Variants in SLC1A2 observed in about 807,000 individuals in gnomAD.
SLC1A2 encodes excitatory amino acid transporter 2.
In SLC1A2, 15 loss-of-function variants were observed where a neutral mutation model predicts 48.8. That is an observed-to-expected ratio of 0.31 (90% confidence interval 0.21 to 0.47). The LOEUF is 0.47. Ranked by LOEUF, SLC1A2 falls within the 20% of genes least tolerant of loss-of-function variation. SLC1A2 has a pLI of 0.99. For synonymous variants in SLC1A2, 279 were observed against 272.6 expected, an observed-to-expected ratio of 1.02 and a Z score of -0.23; for missense variants, 502 against 730.5, an observed-to-expected ratio of 0.69 and a Z score of 3.61.
intron 1 of SLC1A2, among the ~76,000 whole-genome samples, chr11:35,413,053 C>A (rs1855513299): frequency 6.6e-6 from 1 of 152,138 alleles, no homozygotes; most frequent in African/African-American, 2.4e-5. Flanking sequence ...TTCTTCAAAT[C>A]CAAAACCACT....
intron 1 of SLC1A2, among the ~76,000 whole-genome samples, chr11:35,383,387 A>G (rs4756226): frequency 0.12 from 18,052 of 152,198 alleles, 1,229 homozygotes; most frequent in Middle Eastern, 0.21. Flanking sequence ...AAATAAGCCT[A>G]AGAAAATGCT....
At chr11:35,306,017 G>T (rs986506947) in intron 5 of SLC1A2, 57 bp downstream of exon 5, 16 of 1,528,890 alleles carry the variant, frequency 1.0e-5, no homozygotes, top group Non-Finnish European at 1.4e-5. Context: ...AAAAGGGAGT[G>T]CAGGATAGCC....
intron 1 of SLC1A2, among the ~76,000 whole-genome samples, chr11:35,362,509 G>A (rs1377053622): frequency 6.6e-6 from 1 of 152,146 alleles, no homozygotes; most frequent in African/African-American, 2.4e-5. Flanking sequence ...TCTAACATCT[G>A]TGAACCTCAA....
chr11:35,338,812 A>T (rs1178022815), intron 1 of SLC1A2, among the ~76,000 whole-genome samples: 1 of 152,236 alleles, frequency 6.6e-6, no homozygotes, highest in Non-Finnish European at 1.5e-5. Flanking sequence ...AAAACAAAAC[A>T]GTCCTTTGAA....
intron 1 of SLC1A2, among the ~76,000 whole-genome samples, chr11:35,355,744 G>T (rs1853432577): frequency 6.6e-6 from 1 of 152,150 alleles, no homozygotes; most frequent in Non-Finnish European, 1.5e-5. Flanking sequence ...AATTAGCTGG[G>T]CATAGTGGCA....
chr11:35,288,011 GT>G (rs1850880928), intron 7 of SLC1A2, among the ~76,000 whole-genome samples: 1 of 152,156 alleles, frequency 6.6e-6, no homozygotes, highest in Non-Finnish European at 1.5e-5. Context: ...TTTTGTCAAA[GT>G]TTCCTCCTTC....
At chr11:35,326,382 T>A (rs3847615) in intron 1 of SLC1A2, among the ~76,000 whole-genome samples, 43 of 152,144 alleles carry the variant, frequency 2.8e-4, no homozygotes, top group African/African-American at 9.2e-4. Flanking sequence ...GGCCTGGGAG[T>A]TTCTTCTAGC....
chr11:35,398,204 C>T (rs1855029171), intron 1 of SLC1A2, among the ~76,000 whole-genome samples: 1 of 152,110 alleles, frequency 6.6e-6, no homozygotes, highest in South Asian at 2.1e-4. Flanking sequence ...CATGCACTGG[C>T]CCCTCTCACT....
At chr11:35,272,930 C>CAAGGTACT (rs1346379805) in intron 9 of SLC1A2, among the ~76,000 whole-genome samples, 1 of 152,118 alleles carries the variant, frequency 6.6e-6, no homozygotes, top group African/African-American at 2.4e-5. Context: ...AAACAAGTAC[C>CAAGGTACT]AAGGTACTCT....
At chr11:35,400,645 T>C (rs936024078) in intron 1 of SLC1A2, among the ~76,000 whole-genome samples, 4 of 152,208 alleles carry the variant, frequency 2.6e-5, no homozygotes, top group African/African-American at 9.6e-5. Flanking sequence ...ACATATATTA[T>C]AGGTATATCC....
intron 1 of SLC1A2, among the ~76,000 whole-genome samples, chr11:35,329,928 C>T (rs1332720938): frequency 6.6e-6 from 1 of 152,110 alleles, no homozygotes; most frequent in Non-Finnish European, 1.5e-5. Flanking sequence ...CATTGACTTC[C>T]CACAACACTC....
chr11:35,314,581 C>T (rs769331193), intron 3 of SLC1A2, among the ~76,000 whole-genome samples: 4 of 151,858 alleles, frequency 2.6e-5, no homozygotes, highest in African/African-American at 4.8e-5. Context: ...GGCATGATGG[C>T]ACATGCCTGT....
intron 1 of SLC1A2, among the ~76,000 whole-genome samples, chr11:35,404,970 T>A (rs950835363): frequency 2.0e-5 from 3 of 152,160 alleles, no homozygotes; most frequent in African/African-American, 7.2e-5. Flanking sequence ...GCATTTTCCA[T>A]AAGGATGATG....
At chr11:35,366,285 C>T (rs573402504) in intron 1 of SLC1A2, among the ~76,000 whole-genome samples, 5 of 152,304 alleles carry the variant, frequency 3.3e-5, no homozygotes, top group African/African-American at 9.6e-5. Context: ...GCCCCACTCA[C>T]GTCCCTCCTC....
rs1336424060 is a variant in SLC1A2, at chr11:35,256,850, A to C, written c.*4044T>G. On this transcript the variant is annotated 3_prime_UTR_variant, in exon 11 of 11. Transcript: ENST00000278379. Reference sequence around the variant, plus strand: ...GTATAACTGCTGTGCACTTTTAGTCATCAAACTAGATGAGAGCTAATGAGA... The same window carrying C: ...GTATAACTGCTGTGCACTTTTAGTCCTCAAACTAGATGAGAGCTAATGAGA... The C allele has an allele frequency of 2.0e-5, 3 of 152,146 alleles. No individual in the cohort carries two copies. Among genetic ancestry groups the C allele is most frequent in the African/African-American group, 7.2e-5 (3 of 41,436 alleles). 9.4% of individuals were successfully genotyped at this position (152,146 alleles called of 1,614,324 possible).
At chr11:35,385,007 T>C (rs16927439) in intron 1 of SLC1A2, among the ~76,000 whole-genome samples, 3,345 of 152,184 alleles carry the variant, frequency 0.022, 118 homozygotes, top group African/African-American at 0.076. Context: ...ATATATGTGG[T>C]TTATACAAAG....
intron 10 of SLC1A2, among the ~76,000 whole-genome samples, chr11:35,261,440 G>A (rs958220201): frequency 5.3e-5 from 8 of 152,184 alleles, no homozygotes; most frequent in Non-Finnish European, 1.0e-4. Flanking sequence ...TGACATTTCA[G>A]CTGTGCCAAA....
chr11:35,418,911 A>G (rs929566349), intron 1 of SLC1A2, 39 bp downstream of exon 1: 12 of 1,544,850 alleles, frequency 7.8e-6, no homozygotes, highest in Non-Finnish European at 1.1e-5. Flanking sequence ...CCCGCGCGTG[A>G]CCCCGCTTTC....
chr11:35,374,480 G>A lies in SLC1A2; in HGVS notation c.17+44470C>T, dbSNP rs529651768. ...TAGCCAAACCCCAAATTTAAAGAAC[G>A]AGTGTCCAACCTTTTGACTTCCCCG... On this transcript the variant is annotated intron_variant, in intron 1 of 10. Transcript: ENST00000278379. The A allele has an allele frequency of 1.6e-5, 5 of 308,674 alleles. No individual in the cohort carries two copies. In the East Asian group the frequency reaches 3.4e-4, roughly 21 times the overall value. The allele number at this position is 308,674 out of a possible 1,614,324, so 19.1% of individuals were successfully genotyped here.
Sources: gnomAD v4.1 joint callset for allele counts (sites outside exome capture counted in the v4.1 genomes callset) on GRCh38, gnomAD v4.1.1 for gene constraint, MANE v1.5 for transcripts, NCBI Gene and HGNC (gene_info 2026-07-23, HGNC 2026-07-21) for gene names.